The following ESPN variants were observed in gnomAD, a reference collection of about 807,000 sequenced individuals.
ESPN encodes autosomal recessive deafness type 36 protein.
A neutral mutation model predicts 77.7 loss-of-function variants in ESPN; 68 were observed. That is an observed-to-expected ratio of 0.87 (90% CI 0.72 to 1.07). The LOEUF is 1.07. Among genes scored for constraint, ESPN ranks in the 50% least tolerant of loss-of-function variants. The pLI is 0.00. For synonymous variants in ESPN, 449 were observed against 567.1 expected (o/e 0.79, Z 2.96); for missense variants, 1,060 against 1,239.0 (o/e 0.86, Z 2.17).
Position 6,460,104 on chromosome 1 carries a change from G to A in ESPN, c.2523G>A (p.Gln841=). The A allele has an allele frequency of 1.2e-6, 2 of 1,613,244 alleles. No individual in the cohort carries two copies. The highest frequency in any genetic ancestry group is 1.7e-6 in the Non-Finnish European group (2 of 1,180,032). The change falls in exon 13 of 13, where the codon CAG becomes CAA. Residue 841 remains glutamine, a synonymous_variant. Coordinates refer to ENST00000645284, the MANE Select transcript of ESPN (RefSeq NM_031475.3). ...ATGAGAGCAAGCTGGCGCCCTGGCA[G>A]CGACAGGTCATCCTGAAGAAGGGGG... The part of the protein sequence containing the change: ...GYDESKLAPW[Q]RQVILKKGDI...
At chr1:6,441,843 G>A (rs759483826) in intron 5 of ESPN, among the ~76,000 whole-genome samples, 5 of 147,420 alleles carry the variant, frequency 3.4e-5, no homozygotes, top group East Asian at 2.0e-4. Context: ...CCTGAGCACC[G>A]TCTGTCCATC....
rs1473811008 is a variant in ESPN, at chr1:6,440,782, G to A, written c.832G>A (p.Asp278Asn). The A allele has an allele frequency of 2.6e-6, 4 of 1,514,710 alleles. No individual in the cohort carries two copies. Among genetic ancestry groups the A allele is most frequent in the Non-Finnish European group, 3.5e-6 (4 of 1,140,192 alleles). The allele number at this position is 1,514,710 out of a possible 1,614,324, so 93.8% of individuals were successfully genotyped here. The change falls in exon 4 of 13, where the codon GAC becomes AAC. Residue 278 changes from aspartate to asparagine, a missense_variant. Coordinates refer to ENST00000645284, the MANE Select transcript of ESPN (RefSeq NM_031475.3). ...ADLWGGTPLH[D>N]AAENGELECC... The stretch of plus-strand genomic sequence containing the variant: ...CCTGTGGGGCGGGACCCCGCTGCAC[G>A]ACGCCGCCGAGAACGGGGAGCTAGA...
chr1:6,445,286 A>G (rs1643788979), intron 6 of ESPN, among the ~76,000 whole-genome samples: 1 of 152,346 alleles, frequency 6.6e-6, no homozygotes. Context: ...TCCACTTGCA[A>G]TGCCTGCTTC....
Position 6,449,014 on chromosome 1 carries a change from C to T in ESPN, c.1838C>T (p.Pro613Leu). The T allele has an allele frequency of 2.7e-6, 4 of 1,460,318 alleles. No homozygotes were observed. The highest frequency in any genetic ancestry group is 3.0e-5 in the East Asian group (1 of 33,462). The allele number at this position is 1,460,318 out of a possible 1,614,324, so 90.5% of individuals were successfully genotyped here. ...CCCCTGCCGGAGGCCGCGAGTTCGCCACCGCCGGCCCCGCCTCTGCCCCTC... is the reference window on the plus strand; with the variant it reads ...CCCCTGCCGGAGGCCGCGAGTTCGCTACCGCCGGCCCCGCCTCTGCCCCTC... ...PPPLPEAASS[P>L]PPAPPLPLES... Residue 613 changes from proline to leucine, a missense_variant, in exon 8 of 13, where the codon CCA becomes CTA. Pro to Leu is a moderately conservative substitution (Grantham distance 98, BLOSUM62 -3). Coordinates refer to ENST00000645284, the MANE Select transcript of ESPN (RefSeq NM_031475.3).
chr1:6,446,522 C>T (rs56054618), intron 7 of ESPN, among the ~76,000 whole-genome samples: 3,850 of 152,162 alleles, frequency 0.025, 166 homozygotes, highest in African/African-American at 0.088. Flanking sequence ...TGGAAGGAAG[C>T]GAGCCTGTGT....
intron 2 of ESPN, among the ~76,000 whole-genome samples, chr1:6,434,380 C>A (rs972306640): frequency 1.3e-5 from 2 of 152,228 alleles, no homozygotes; most frequent in African/African-American, 4.8e-5. Flanking sequence ...TCCCATCTGT[C>A]CCTGACTAAT....
intron 8 of ESPN, among the ~76,000 whole-genome samples, chr1:6,449,734 T>G (rs550572284): frequency 6.6e-6 from 1 of 152,272 alleles, no homozygotes; most frequent in East Asian, 1.9e-4. Context: ...GTGACTTCCC[T>G]AGGCAACCTT....
At chr1:6,458,179 C>T (rs184822451) in intron 12 of ESPN, among the ~76,000 whole-genome samples, 317 of 151,910 alleles carry the variant, frequency 2.1e-3, no homozygotes, top group African/African-American at 6.7e-3. Flanking sequence ...CCACCACACC[C>T]AGCTAATTTT....
intron 11 of ESPN, 34 bp from the exon 12 acceptor site, chr1:6,457,327 G>A: frequency 2.5e-6 from 4 of 1,614,246 alleles, no homozygotes; most frequent in Non-Finnish European, 1.7e-6. Context: ...CTGAGGTGGA[G>A]GTACCAAGTG....
intron 6 of ESPN, 141 bp downstream of exon 6, chr1:6,444,823 G>A (rs2148525846): frequency 7.3e-6 from 7 of 956,680 alleles, no homozygotes; most frequent in Middle Eastern, 2.8e-4. Flanking sequence ...ATGGGGAGGC[G>A]ACACCCCTTC....
intron 8 of ESPN, among the ~76,000 whole-genome samples, chr1:6,449,312 C>T (rs1279975135): frequency 6.6e-6 from 1 of 152,204 alleles, no homozygotes; most frequent in Non-Finnish European, 1.5e-5. Flanking sequence ...TGGGGCAAGT[C>T]CCTTCCCCAA....
Position 6,427,074 on chromosome 1 carries a change from A to C in ESPN, c.295-1152A>C, listed in dbSNP as rs909722208. ...CGGGAGCCTCAGAGGTTCTCTTCCC[A>C]CCGTGATTTGACTTCCTGAGGCCTG... On this transcript the variant is annotated intron_variant, in intron 1 of 12. Transcript: ENST00000645284. The surrounding 1 kb of genome is among the most constrained non-coding windows in gnomAD (Gnocchi z 4.6). 2.6e-5 allele frequency among the ~76,000 whole-genome samples: 4 copies of C among 151,496 alleles called. No homozygotes were observed. Among genetic ancestry groups the C allele is most frequent in the African/African-American group, 9.7e-5 (4 of 41,174 alleles).
chr1:6,460,482 T>G lies in ESPN; in HGVS notation c.*336T>G. 9.5e-6 allele frequency: 2 copies of G among 210,462 alleles called. No homozygotes were observed. Among genetic ancestry groups the G allele is most frequent in the Non-Finnish European group, 1.9e-5 (2 of 103,804 alleles). The allele number at this position is 210,462 out of a possible 1,614,324, so 13.0% of individuals were successfully genotyped here. ...CAGCCCCGTGGGTGGTGACTTTGTT[T>G]TCCTGCGGGGCTCAGCCCCCTCCAG... On this transcript the variant is annotated 3_prime_UTR_variant, in exon 13 of 13. Transcript: ENST00000645284.
chr1:6,449,881 T>A (rs1029519501), intron 8 of ESPN, among the ~76,000 whole-genome samples: 1 of 151,972 alleles, frequency 6.6e-6, no homozygotes, highest in South Asian at 2.1e-4. Flanking sequence ...GGCTGGGGTG[T>A]CTTCCTCACC....
chr1:6,436,046 G>C (rs549136433), intron 2 of ESPN, among the ~76,000 whole-genome samples: 1 of 152,304 alleles, frequency 6.6e-6, no homozygotes, highest in East Asian at 1.9e-4. Context: ...TCCTCCTGCC[G>C]GGGCTGTGCC....
Position 6,447,646 on chromosome 1 carries a change from C to T in ESPN, c.1465-995C>T, listed in dbSNP as rs1450439738. Reference sequence around the variant, plus strand: ...CACGCTGTCACCCGACCCCGCCTTACGGCCCCTGAAATCCGAGGCTTGAGC... The same window carrying T: ...CACGCTGTCACCCGACCCCGCCTTATGGCCCCTGAAATCCGAGGCTTGAGC... On this transcript the variant is annotated intron_variant, in intron 7 of 12. Transcript: ENST00000645284. The surrounding 1 kb of genome is among the most constrained non-coding windows in gnomAD (Gnocchi z 5.2). Among the ~76,000 whole-genome samples the T allele has an allele frequency of 6.6e-6, 1 of 152,214 alleles. No homozygotes were observed. Among genetic ancestry groups the T allele is most frequent in the Non-Finnish European group, 1.5e-5 (1 of 68,036 alleles).
At position 6,445,572 on chromosome 1, in the gene ESPN, G is replaced by A. The variant is rs1369003483; in HGVS notation, c.1193-92G>A. On this transcript the variant is annotated intron_variant, in intron 6 of 12. Coordinates refer to ENST00000645284, the MANE Select transcript of ESPN (RefSeq NM_031475.3). ...GTGCCCGGAGCCCACCTTGCCCCTC[G>A]GCAAGTTGTTTCCAGGTGGTGGAGA... 18 of 1,452,532 alleles carry A rather than the reference G, an allele frequency of 1.2e-5. No individual in the cohort carries two copies. The East Asian group carries it at 2.9e-4, about 24-fold the overall frequency. The allele number at this position is 1,452,532 out of a possible 1,614,324, so 90.0% of individuals were successfully genotyped here.
chr1:6,435,067 G>T (rs1392681768), intron 2 of ESPN, among the ~76,000 whole-genome samples: 1 of 152,118 alleles, frequency 6.6e-6, no homozygotes, highest in African/African-American at 2.4e-5. Flanking sequence ...TGACGGCCTG[G>T]GGTGTAGAAC....
intron 2 of ESPN, among the ~76,000 whole-genome samples, chr1:6,429,056 T>G (rs1402087990): frequency 1.9e-4 from 10 of 52,078 alleles, no homozygotes; most frequent in African/African-American, 2.6e-4. Flanking sequence ...CTGGGTGGGG[T>G]GGGGGGTCAC....
Sources: allele counts gnomAD v4.1 joint callset (sites outside exome capture counted in the v4.1 genomes callset), GRCh38; gene constraint gnomAD v4.1.1; non-coding constraint Gnocchi (gnomAD v3.1); transcripts MANE v1.5; gene names NCBI Gene and HGNC (gene_info 2026-07-23, HGNC 2026-07-21).